RFTN1: variants seen among roughly 807,000 people sequenced by gnomAD.
RFTN1 encodes raftlin, lipid raft linker 1.
In RFTN1, 26 loss-of-function variants were observed where a neutral mutation model predicts 46.5. The ratio of observed to expected loss-of-function variants is 0.56; its 90% CI spans 0.41 to 0.78. The LOEUF (loss-of-function observed/expected upper bound fraction) is 0.78. Among genes scored for constraint, RFTN1 ranks in the 30% least tolerant of loss-of-function variants. The pLI, the probability that RFTN1 is intolerant of heterozygous loss-of-function variation, is 0.00. For synonymous variants in RFTN1, 261 were observed against 284.2 expected (o/e 0.92, Z 0.82); for missense variants, 693 against 718.7 (o/e 0.96, Z 0.41).
At chr3:16,511,138 A>G (rs994452950) in intron 1 of RFTN1, among the ~76,000 whole-genome samples, 1 of 152,214 alleles carries the variant, frequency 6.6e-6, no homozygotes, top group African/African-American at 2.4e-5. Context: ...AGAATGACTG[A>G]GAATGAGGAT....
chr3:16,343,827 G>A (rs1346905077), intron 7 of RFTN1, among the ~76,000 whole-genome samples: 2 of 152,204 alleles, frequency 1.3e-5, no homozygotes, highest in Non-Finnish European at 2.9e-5. Context: ...GATAACTTCA[G>A]TAATTCCTAG....
rs1181133107 is a variant in RFTN1 at position 16,501,630 on chromosome 3, AT to A, written c.-8-7754del. The stretch of plus-strand genomic sequence containing the variant: ...TGATGCTGGATCAGCTGGCAACCCC[AT>A]TTTTTATCTCTACACTCAAATTCTG... On this transcript the variant is annotated intron_variant, in intron 1 of 9. Coordinates refer to ENST00000334133, the MANE Select transcript of RFTN1 (RefSeq NM_015150.2). 2.6e-5 allele frequency among the ~76,000 whole-genome samples: 4 copies of A among 152,280 alleles called. 1 individual carries two copies. Among genetic ancestry groups the A allele is most frequent in the South Asian group, 4.1e-4 (2 of 4,828 alleles).
In RFTN1 at chr3:16,398,244, CAAAAAAAAAAA is replaced by C. The variant is rs202032095; in HGVS notation, c.441+11120_441+11130del. Among the ~76,000 whole-genome samples the C allele has an allele frequency of 7.2e-3, 795 of 110,880 alleles. 7 individuals are homozygous for C. Among genetic ancestry groups the C allele is most frequent in the Non-Finnish European group, 0.012 (574 of 47,806 alleles). The allele number at this position is 110,880 out of a possible 152,430, so 72.7% of individuals were successfully genotyped here. A position where few individuals can be genotyped will look rare whatever the true frequency, so the allele number is the denominator to read the frequency against. ...CCTGGGTGACAGAGAAAGACTGTCTCAAAAAAAAAAAAAAAAAAAAAAAAAAAAAGAAGCAT... is the reference window on the plus strand; with the variant it reads ...CCTGGGTGACAGAGAAAGACTGTCTCAAAAAAAAAAAAAAAAAAGAAGCAT... On this transcript the variant is annotated intron_variant, in intron 4 of 9. Coordinates refer to ENST00000334133, the MANE Select transcript of RFTN1 (RefSeq NM_015150.2).
chr3:16,370,302 T>TG lies in RFTN1; in HGVS notation c.827-24dup. On this transcript the variant is annotated intron_variant, in intron 5 of 9. Transcript: ENST00000334133. This position sits in a 1 kb window ranked among gnomAD's most constrained non-coding sequence, Gnocchi z 5.5. ...TTTCTGTTGGGATTTGTAAAGGGAG[T>TG]GGAGAGAGAAGAGGTCAACTGATGA... 6.2e-7 allele frequency: 1 copy of TG among 1,610,342 alleles called. No individual in the cohort carries two copies. The highest frequency in any genetic ancestry group is 8.5e-7 in the Non-Finnish European group (1 of 1,176,828).
rs1485331614 is a variant in RFTN1 at position 16,374,693 on chromosome 3, C to CT, written c.826+3024dup. Among the ~76,000 whole-genome samples, 2 of 152,212 alleles carry CT rather than the reference C, an allele frequency of 1.3e-5. No homozygotes were observed. Among genetic ancestry groups the CT allele is most frequent in the East Asian group, 3.8e-4 (2 of 5,200 alleles). On this transcript the variant is annotated intron_variant, in intron 5 of 9. Coordinates refer to ENST00000334133, the MANE Select transcript of RFTN1 (RefSeq NM_015150.2). This position sits in a 1 kb window ranked among gnomAD's most constrained non-coding sequence, Gnocchi z 5.4. The stretch of plus-strand genomic sequence containing the variant: ...ATGATTAGAATTTTCGTGAACCTGT[C>CT]TAGCCTCCTGGTTTCTCTGATGGAA...
chr3:16,503,313 T>A (rs2076745401), intron 1 of RFTN1, among the ~76,000 whole-genome samples: 1 of 152,184 alleles, frequency 6.6e-6, no homozygotes, highest in Admixed American at 6.5e-5. Flanking sequence ...AATCAGAATC[T>A]GTATTTGAGC....
intron 1 of RFTN1, among the ~76,000 whole-genome samples, chr3:16,510,756 GC>G (rs2076885487): frequency 6.6e-6 from 1 of 152,120 alleles, no homozygotes; most frequent in Non-Finnish European, 1.5e-5. Context: ...TTTTGACCCA[GC>G]AATTTACTAC....
chr3:16,468,948 C>A lies in RFTN1; in HGVS notation c.145+24777G>T, dbSNP rs1253108450. Reference sequence around the variant, plus strand: ...TTCACTGCCAAAAGGCCAATCCATTCCCCCCATCACTCAGCCTGCCTGAAT... The same window carrying A: ...TTCACTGCCAAAAGGCCAATCCATTACCCCCATCACTCAGCCTGCCTGAAT... On this transcript the variant is annotated intron_variant, in intron 2 of 9. Coordinates refer to ENST00000334133, the MANE Select transcript of RFTN1 (RefSeq NM_015150.2). This position sits in a 1 kb window ranked among gnomAD's most constrained non-coding sequence, Gnocchi z 4.4. Among the ~76,000 whole-genome samples, 1 of 152,250 alleles carries A rather than the reference C, an allele frequency of 6.6e-6. No homozygotes were observed. The highest frequency in any genetic ancestry group is 1.5e-5 in the Non-Finnish European group (1 of 68,044).
At position 16,513,045 on chromosome 3, in the gene RFTN1, C is replaced by T. The variant is rs1693731980; in HGVS notation, c.-9+397G>A. ...TCCCTCCTGTTCTTTTCCGAGGACC[C>T]CAGCGGCAGTGTGTCCTGGACCCAC... is the stretch of plus-strand genomic sequence containing the variant. On this transcript the variant is annotated intron_variant, in intron 1 of 9. Coordinates refer to ENST00000334133, the MANE Select transcript of RFTN1 (RefSeq NM_015150.2). This position sits in a 1 kb window ranked among gnomAD's most constrained non-coding sequence, Gnocchi z 5.4. 6.6e-6 allele frequency: 1 copy of T among 152,468 alleles called. No individual in the cohort carries two copies. The highest frequency in any genetic ancestry group is 1.5e-5 in the Non-Finnish European group (1 of 68,326). The allele number at this position is 152,468 out of a possible 1,614,324, so 9.4% of individuals were successfully genotyped here.
chr3:16,399,635 T>C (rs2074555119), intron 4 of RFTN1, among the ~76,000 whole-genome samples: 1 of 152,168 alleles, frequency 6.6e-6, no homozygotes. Flanking sequence ...CCTTTTTCCT[T>C]CACACCCTCC....
intron 2 of RFTN1, among the ~76,000 whole-genome samples, chr3:16,436,815 A>G (rs924028322): frequency 1.3e-5 from 2 of 152,148 alleles, no homozygotes; most frequent in Non-Finnish European, 2.9e-5. Context: ...AACAATTTTA[A>G]TTTCATATTA....
chr3:16,333,564 A>G (rs960870611), intron 7 of RFTN1, among the ~76,000 whole-genome samples: 1 of 152,214 alleles, frequency 6.6e-6, no homozygotes, highest in African/African-American at 2.4e-5. Context: ...CATTTAATAA[A>G]ATGTTATTAT....
intron 3 of RFTN1, among the ~76,000 whole-genome samples, chr3:16,415,430 T>TACACACAC (rs1553589390): frequency 1.7e-5 from 2 of 114,348 alleles, no homozygotes; most frequent in Non-Finnish European, 4.0e-5. Flanking sequence ...TATATATATA[T>TACACACAC]ACACACACAC....
At chr3:16,435,917 A>AAAATATATATAT (rs1553596228) in intron 2 of RFTN1, among the ~76,000 whole-genome samples, 1 of 142,360 alleles carries the variant, frequency 7.0e-6, no homozygotes, top group African/African-American at 2.7e-5. Flanking sequence ...CAGAGATGTA[A>AAAATATATATAT]ATATATATAT....
At chr3:16,391,760 G>A (rs1709683) in intron 4 of RFTN1, among the ~76,000 whole-genome samples, 1 of 150,980 alleles carries the variant, frequency 6.6e-6, no homozygotes, top group Non-Finnish European at 1.5e-5. Flanking sequence ...AAGGCTCTTT[G>A]ATAATGAAGG....
In RFTN1 at chr3:16,449,740, T is replaced by C. The variant is rs1215620053; in HGVS notation, c.146-15703A>G. On this transcript the variant is annotated intron_variant, in intron 2 of 9. Coordinates refer to ENST00000334133, the MANE Select transcript of RFTN1 (RefSeq NM_015150.2). This position sits in a 1 kb window ranked among gnomAD's most constrained non-coding sequence, Gnocchi z 5.1. ...TGTGAGCCAAAAATGGTCTAGAACA[T>C]CAAGACTCAGAAAAATCAACGAGAC... is the stretch of plus-strand genomic sequence containing the variant. Among the ~76,000 whole-genome samples the C allele has an allele frequency of 6.6e-6, 1 of 152,172 alleles. No individual in the cohort carries two copies. The highest frequency in any genetic ancestry group is 2.4e-5 in the African/African-American group (1 of 41,434).
chr3:16,503,417 T>C (rs1223160555), intron 1 of RFTN1, among the ~76,000 whole-genome samples: 1 of 152,182 alleles, frequency 6.6e-6, no homozygotes, highest in Non-Finnish European at 1.5e-5. Flanking sequence ...TTTGGAACCA[T>C]CTGGAGAGCT....
At chr3:16,391,401 T>A (rs895734103) in intron 4 of RFTN1, among the ~76,000 whole-genome samples, 1 of 152,230 alleles carries the variant, frequency 6.6e-6, no homozygotes, top group Non-Finnish European at 1.5e-5. Context: ...GCCCTTTTTC[T>A]CATTCTTTTA....
rs529804935 is a variant in RFTN1 at position 16,322,692 on chromosome 3, C to T, written c.1332+684G>A. Among the ~76,000 whole-genome samples, 6 of 152,312 alleles carry T rather than the reference C, an allele frequency of 3.9e-5. 1 individual carries two copies. In the South Asian group the frequency reaches 8.3e-4, roughly 21 times the overall value. On this transcript the variant is annotated intron_variant, in intron 9 of 9. Coordinates refer to ENST00000334133, the MANE Select transcript of RFTN1 (RefSeq NM_015150.2). The surrounding 1 kb of genome is among the most constrained non-coding windows in gnomAD (Gnocchi z 6.2). ...ACAAGGGTTGCCGACACTTGCACCT[C>T]GTACAGCCCTTGTGCTCAACCTTCA...
Sources: allele counts gnomAD v4.1 joint callset (sites outside exome capture counted in the v4.1 genomes callset), GRCh38; gene constraint gnomAD v4.1.1; non-coding constraint Gnocchi (gnomAD v3.1); transcripts MANE v1.5; gene names NCBI Gene and HGNC (gene_info 2026-07-23, HGNC 2026-07-21).